CYP7B1: variants seen among roughly 807,000 people sequenced by gnomAD.
CYP7B1 encodes cytochrome P450 7B1.
Under a neutral mutation model 42.7 loss-of-function variants are expected in CYP7B1, and 29 were observed. The ratio of observed to expected loss-of-function variants is 0.68; its 90% CI spans 0.51 to 0.93. The LOEUF (loss-of-function observed/expected upper bound fraction) is 0.93. Ranked by LOEUF, CYP7B1 falls within the 40% of genes least tolerant of loss-of-function variation. The pLI is 0.00. For synonymous variants in CYP7B1, 235 were observed against 218.2 expected, an observed-to-expected ratio of 1.08 and a Z score of -0.68; for missense variants, 655 against 600.5, an observed-to-expected ratio of 1.09 and a Z score of -0.95.
intron 1 of CYP7B1, among the ~76,000 whole-genome samples, chr8:64,704,792 C>T (rs1386899393): frequency 6.6e-6 from 1 of 152,008 alleles, no homozygotes; most frequent in Non-Finnish European, 1.5e-5. Context: ...AAATATCCAA[C>T]AAAATAATAT....
chr8:64,614,592 C>G (rs1805406307), intron 4 of CYP7B1, among the ~76,000 whole-genome samples: 1 of 152,090 alleles, frequency 6.6e-6, no homozygotes, highest in South Asian at 2.1e-4. Flanking sequence ...AACGTCTAAC[C>G]TGTGTTTGAA....
At chr8:64,661,041 G>A (rs1806192584) in intron 1 of CYP7B1, among the ~76,000 whole-genome samples, 1 of 152,184 alleles carries the variant, frequency 6.6e-6, no homozygotes, top group African/African-American at 2.4e-5. Flanking sequence ...AAGCTTAATG[G>A]AAGCCTGCAA....
intron 1 of CYP7B1, among the ~76,000 whole-genome samples, chr8:64,729,881 AT>A (rs1331511710): frequency 1.4e-4 from 21 of 152,188 alleles, no homozygotes; most frequent in African/African-American, 4.8e-4. Context: ...TTTGTCACAA[AT>A]AGTTTTCTCA....
At chr8:64,706,492 G>T (rs928261084) in intron 1 of CYP7B1, among the ~76,000 whole-genome samples, 28 of 152,000 alleles carry the variant, frequency 1.8e-4, no homozygotes, top group African/African-American at 6.5e-4. Flanking sequence ...AGAAATACCT[G>T]TTAAAAGCTT....
chr8:64,731,458 G>A (rs1807407498), intron 1 of CYP7B1, among the ~76,000 whole-genome samples: 1 of 152,192 alleles, frequency 6.6e-6, no homozygotes, highest in Admixed American at 6.5e-5. Context: ...ATTTGAGAGA[G>A]ATGATTTAGG....
chr8:64,677,706 G>GT (rs11435388), intron 1 of CYP7B1, among the ~76,000 whole-genome samples: 58,049 of 86,394 alleles, frequency 0.67, 21,148 homozygotes, highest in South Asian at 0.7. Flanking sequence ...ACACTCCTTG[G>GT]TTTTTTTTTT....
chr8:64,696,439 T>C (rs1211133894), intron 1 of CYP7B1, among the ~76,000 whole-genome samples: 2 of 152,196 alleles, frequency 1.3e-5, no homozygotes, highest in Non-Finnish European at 2.9e-5. Flanking sequence ...AAAAATCAGA[T>C]ATAAATTATT....
At chr8:64,700,640 T>C (rs1806901941) in intron 1 of CYP7B1, among the ~76,000 whole-genome samples, 1 of 152,140 alleles carries the variant, frequency 6.6e-6, no homozygotes, top group African/African-American at 2.4e-5. Context: ...TGATTGGTAA[T>C]AAGCCTCTTT....
intron 1 of CYP7B1, among the ~76,000 whole-genome samples, chr8:64,651,893 G>A (rs1306859548): frequency 3.3e-5 from 5 of 152,198 alleles, no homozygotes; most frequent in Non-Finnish European, 7.3e-5. Context: ...AACTAAGACA[G>A]CTCCCTTTTC....
chr8:64,650,195 AAAT>A (rs1267100428), intron 1 of CYP7B1, among the ~76,000 whole-genome samples: 1 of 152,188 alleles, frequency 6.6e-6, no homozygotes, highest in Admixed American at 6.5e-5. Context: ...ACTCCCAGAA[AAAT>A]ATATAAGTTG....
intron 1 of CYP7B1, among the ~76,000 whole-genome samples, chr8:64,759,759 G>A (rs969915498): frequency 1.3e-5 from 2 of 152,138 alleles, no homozygotes; most frequent in Non-Finnish European, 2.9e-5. Flanking sequence ...CAGCTAATTA[G>A]TGAGAAAGAT....
intron 1 of CYP7B1, among the ~76,000 whole-genome samples, chr8:64,777,149 A>C (rs2129660833): frequency 6.6e-6 from 1 of 151,142 alleles, no homozygotes; most frequent in Admixed American, 6.6e-5. Context: ...TCATGTAAAA[A>C]GTAAACCCAG....
intron 1 of CYP7B1, among the ~76,000 whole-genome samples, chr8:64,747,198 ATATT>A (rs1389964850): frequency 6.7e-6 from 1 of 148,176 alleles, no homozygotes; most frequent in African/African-American, 2.4e-5. Context: ...TACATACTAT[ATATT>A]TATATATTAA....
In CYP7B1 at chr8:64,748,580, T is replaced by C. The variant is rs144313513; in HGVS notation, c.122+49886A>G. Reference sequence around the variant, plus strand: ...TTAGCCTGCCTCCCACACTCTCCCTTAGCTTTCCTCTGACTTTCACAATCA... The same window carrying C: ...TTAGCCTGCCTCCCACACTCTCCCTCAGCTTTCCTCTGACTTTCACAATCA... On this transcript the variant is annotated intron_variant, in intron 1 of 5. Transcript: ENST00000310193. 5.5e-4 allele frequency among the ~76,000 whole-genome samples: 84 copies of C among 152,300 alleles called. 2 individuals carry two copies. The highest frequency in any genetic ancestry group is 1.9e-3 in the African/African-American group (79 of 41,576).
chr8:64,795,665 ATC>A (rs1165144281), intron 1 of CYP7B1, among the ~76,000 whole-genome samples: 1 of 152,242 alleles, frequency 6.6e-6, no homozygotes, highest in Non-Finnish European at 1.5e-5. Flanking sequence ...GTTGATTCCC[ATC>A]TCTCTCACAC....
At chr8:64,781,042 A>G (rs994930618) in intron 1 of CYP7B1, among the ~76,000 whole-genome samples, 17 of 152,166 alleles carry the variant, frequency 1.1e-4, no homozygotes, top group Admixed American at 5.9e-4. Context: ...TTGTGAATCT[A>G]TGGGTAAGGA....
intron 4 of CYP7B1, among the ~76,000 whole-genome samples, chr8:64,610,935 A>T (rs1431488141): frequency 1.3e-5 from 2 of 152,180 alleles, no homozygotes; most frequent in Admixed American, 1.3e-4. Context: ...ATTGAATAAA[A>T]ATAATACTTG....
At chr8:64,789,920 G>A (rs1804590704) in intron 1 of CYP7B1, among the ~76,000 whole-genome samples, 2 of 152,184 alleles carry the variant, frequency 1.3e-5, no homozygotes, top group South Asian at 4.1e-4. Context: ...GAACTCAGAA[G>A]AGGAAGCCTC....
intron 1 of CYP7B1, among the ~76,000 whole-genome samples, chr8:64,704,363 A>C (rs115628391): frequency 5.1e-4 from 77 of 152,198 alleles, no homozygotes; most frequent in African/African-American, 1.7e-3. Flanking sequence ...ATGTCTATAA[A>C]TTCCACAGAT....
Sources: gnomAD v4.1 joint callset for allele counts (sites outside exome capture counted in the v4.1 genomes callset) on GRCh38, gnomAD v4.1.1 for gene constraint, MANE v1.5 for transcripts, NCBI Gene and HGNC (gene_info 2026-07-23, HGNC 2026-07-21) for gene names.